CHD9: variants seen among roughly 807,000 people sequenced by gnomAD.
CHD9 encodes the protein chromodomain helicase DNA binding protein 9, also known as ATP-dependent chromatin remodeler CHD9.
CHD9 carries 77 observed loss-of-function variants against 316.1 expected under a neutral mutation model. That is an observed-to-expected ratio of 0.24 (90% CI 0.20 to 0.29). The LOEUF (loss-of-function observed/expected upper bound fraction) is 0.29. CHD9 is among the 10% of genes least tolerant of loss of function. CHD9 has a pLI of 1.00. For synonymous variants in CHD9, 1,129 were observed against 1,158.3 expected (o/e 0.97, Z 0.51); for missense variants, 2,763 against 3,438.1 (o/e 0.80, Z 4.91).
At chr16:53,142,434 C>T (rs1367996061) in intron 1 of CHD9, among the ~76,000 whole-genome samples, 1 of 152,162 alleles carries the variant, frequency 6.6e-6, no homozygotes, top group Non-Finnish European at 1.5e-5. Context: ...TGCAACCTTT[C>T]TAAACCCTGT....
At chr16:53,208,333 A>G in intron 2 of CHD9, 1 of 1,280,796 alleles carries the variant, frequency 7.8e-7, no homozygotes, top group Non-Finnish European at 1.0e-6. Context: ...TTCAGTGAAG[A>G]GGCCAAGAGG....
At chr16:53,234,163 C>T (rs1808998077) in intron 10 of CHD9, among the ~76,000 whole-genome samples, 2 of 152,104 alleles carry the variant, frequency 1.3e-5, no homozygotes, top group African/African-American at 4.8e-5. Context: ...AAAATATATT[C>T]ATGATTGTTG....
At chr16:53,208,991 G>T (rs2046113135) in intron 2 of CHD9, among the ~76,000 whole-genome samples, 1 of 152,120 alleles carries the variant, frequency 6.6e-6, no homozygotes, top group South Asian at 2.1e-4. Context: ...TAGCTATGTT[G>T]CTGCACTTAA....
chr16:53,305,909 A>G (rs1397266839), intron 31 of CHD9, among the ~76,000 whole-genome samples: 5 of 152,206 alleles, frequency 3.3e-5, no homozygotes, highest in Non-Finnish European at 7.3e-5. Flanking sequence ...GATGAAGTCT[A>G]CCAATCAGGA....
intron 2 of CHD9, among the ~76,000 whole-genome samples, chr16:53,195,688 T>C (rs975594772): frequency 6.6e-6 from 1 of 152,262 alleles, no homozygotes; most frequent in African/African-American, 2.4e-5. Flanking sequence ...TACTTTTTTT[T>C]TTTAAGTTTT....
intron 2 of CHD9, among the ~76,000 whole-genome samples, chr16:53,184,090 G>A (rs544835131): frequency 3.3e-5 from 5 of 151,854 alleles, no homozygotes; most frequent in South Asian, 2.1e-4. Context: ...GACTAAAGGC[G>A]CCCGGCACCA....
At chr16:53,152,050 C>A (rs2041165516) in intron 1 of CHD9, among the ~76,000 whole-genome samples, 1 of 151,814 alleles carries the variant, frequency 6.6e-6, no homozygotes, top group South Asian at 2.1e-4. Flanking sequence ...GTGAGAAAAC[C>A]AGACCATTTG....
At chr16:53,140,254 C>T (rs778798177) in intron 1 of CHD9, among the ~76,000 whole-genome samples, 1 of 151,726 alleles carries the variant, frequency 6.6e-6, no homozygotes, top group Admixed American at 6.6e-5. Flanking sequence ...GCCAGGAGTT[C>T]GAGACCAGCC....
intron 1 of CHD9, among the ~76,000 whole-genome samples, chr16:53,092,436 C>A (rs1483891280): frequency 6.6e-6 from 1 of 152,196 alleles, no homozygotes; most frequent in Admixed American, 6.5e-5. Flanking sequence ...CGGAGACAAA[C>A]AACTGTTGTC....
chr16:53,159,865 C>T (rs1166741178), intron 2 of CHD9, among the ~76,000 whole-genome samples: 1 of 152,208 alleles, frequency 6.6e-6, no homozygotes, highest in Non-Finnish European at 1.5e-5. Flanking sequence ...GATCCACCGG[C>T]CTTGACCTCC....
chr16:53,132,416 A>C (rs1240549637), intron 1 of CHD9, among the ~76,000 whole-genome samples: 37 of 152,184 alleles, frequency 2.4e-4, no homozygotes. Context: ...TTAACCAGCT[A>C]TGATCTTAAA....
intron 2 of CHD9, among the ~76,000 whole-genome samples, chr16:53,194,147 A>G (rs914320210): frequency 1.3e-5 from 2 of 152,078 alleles, no homozygotes; most frequent in Non-Finnish European, 2.9e-5. Context: ...CTTGAGCCCA[A>G]GAATTCAAGG....
intron 37 of CHD9, among the ~76,000 whole-genome samples, chr16:53,320,738 G>A (rs759211709): frequency 6.6e-6 from 1 of 152,004 alleles, no homozygotes; most frequent in Non-Finnish European, 1.5e-5. Context: ...TATTTTGTCT[G>A]TGTCATATTA....
chr16:53,195,972 G>A (rs2044879926), intron 2 of CHD9, among the ~76,000 whole-genome samples: 10 of 151,990 alleles, frequency 6.6e-5, no homozygotes, highest in Admixed American at 5.9e-4. Context: ...TGGCCAGACT[G>A]GTCTTGAATG....
At chr16:53,163,113 T>G (rs989366188) in intron 2 of CHD9, among the ~76,000 whole-genome samples, 1 of 152,190 alleles carries the variant, frequency 6.6e-6, no homozygotes, top group Non-Finnish European at 1.5e-5. Flanking sequence ...GTTTGTAATA[T>G]TATTACCAAA....
chr16:53,092,168 G>A (rs1234295910), intron 1 of CHD9, among the ~76,000 whole-genome samples: 1 of 152,170 alleles, frequency 6.6e-6, no homozygotes, highest in East Asian at 1.9e-4. Context: ...AAGGCTGGGG[G>A]CTGCAGTTCA....
chr16:53,132,757 T>C (rs931692716), intron 1 of CHD9, among the ~76,000 whole-genome samples: 1 of 151,810 alleles, frequency 6.6e-6, no homozygotes, highest in Admixed American at 6.6e-5. Flanking sequence ...GTCTGTATTA[T>C]GTATCTTCGA....
intron 12 of CHD9, 36 bp from the exon 13 acceptor site, chr16:53,242,804 A>G: frequency 1.3e-6 from 2 of 1,562,334 alleles, no homozygotes; most frequent in East Asian, 2.2e-5. Context: ...TGCAATTAAA[A>G]TATTCCAGCA....
chr16:53,221,680 G>A (rs551521435), intron 3 of CHD9, among the ~76,000 whole-genome samples: 4 of 152,038 alleles, frequency 2.6e-5, no homozygotes, highest in Non-Finnish European at 2.9e-5. Context: ...CATATATGAC[G>A]ATATACTGAC....
Sources: gnomAD v4.1 joint callset for allele counts (sites outside exome capture counted in the v4.1 genomes callset) on GRCh38, gnomAD v4.1.1 for gene constraint, MANE v1.5 for transcripts, NCBI Gene and HGNC (gene_info 2026-07-23, HGNC 2026-07-21) for gene names.